Variants in EFCAB8 observed in about 807,000 individuals in gnomAD.
EFCAB8 encodes the protein EF-hand calcium-binding domain-containing protein 8.
EFCAB8 carries 100 observed loss-of-function variants against 116.3 expected under a neutral mutation model. That is an observed-to-expected ratio of 0.86 (90% CI 0.73 to 1.02). EFCAB8 has a LOEUF of 1.02. Ranked by LOEUF, EFCAB8 falls within the 50% of genes least tolerant of loss-of-function variation. EFCAB8 has a pLI of 0.00. For synonymous variants in EFCAB8, 558 were observed against 567.9 expected, an observed-to-expected ratio of 0.98 and a Z score of 0.25; for missense variants, 1,320 against 1,416.9, an observed-to-expected ratio of 0.93 and a Z score of 1.10.
At chr20:32,939,125 CTCTTTCTT>C (rs56136077) in intron 22 of EFCAB8, among the ~76,000 whole-genome samples, 2,358 of 56,158 alleles carry the variant, frequency 0.042, 110 homozygotes, top group East Asian at 0.084. Context: ...CTCTTTCTTT[CTCTTTCTT>C]TCTTTCTTTC....
chr20:32,860,042 C>T (rs944449719), intron 1 of EFCAB8, among the ~76,000 whole-genome samples: 4 of 152,168 alleles, frequency 2.6e-5, no homozygotes, highest in African/African-American at 4.8e-5. Context: ...CGGTGACTCA[C>T]GCCTGTAATC....
At chr20:32,883,016 A>G (rs1177558228) in intron 5 of EFCAB8, among the ~76,000 whole-genome samples, 2 of 152,148 alleles carry the variant, frequency 1.3e-5, no homozygotes, top group African/African-American at 4.8e-5. Context: ...TTTTTAATAG[A>G]GACGGGATTT....
chr20:32,913,677 CA>C (rs1987046225), intron 17 of EFCAB8, among the ~76,000 whole-genome samples: 1 of 147,070 alleles, frequency 6.8e-6, no homozygotes, highest in African/African-American at 2.7e-5. Context: ...CATTCTGAAG[CA>C]AATGCCCCTC....
Position 32,961,419 on chromosome 20 carries a change from CCTT to C in EFCAB8, c.3681_3683del (p.Phe1227del), listed in dbSNP as rs1461553899. The C allele has an allele frequency of 1.4e-5, 21 of 1,457,576 alleles. No individual in the cohort carries two copies. Among genetic ancestry groups the C allele is most frequent in the Non-Finnish European group, 1.7e-5 (19 of 1,103,152 alleles). 90.3% of individuals were successfully genotyped at this position (1,457,576 alleles called of 1,614,324 possible). A position where few individuals can be genotyped will look rare whatever the true frequency, so the allele number is the denominator to read the frequency against. ...CCCACCTTCCTGACGCCCCAGTTCT[CCTT>C]CTTGCTGCGGCCCCAGTCAGCCTCC... On this transcript the variant is annotated inframe_deletion, in exon 27 of 27. Coordinates refer to ENST00000400522, the MANE Select transcript of EFCAB8 (RefSeq NM_001143967.2).
At chr20:32,862,154 A>T (rs1984149627) in intron 1 of EFCAB8, among the ~76,000 whole-genome samples, 1 of 148,344 alleles carries the variant, frequency 6.7e-6, no homozygotes, top group African/African-American at 2.5e-5. Context: ...TTTTTGAGAC[A>T]GGGTCTCACT....
chr20:32,893,173 G>C lies in EFCAB8; in HGVS notation c.759-1G>C. The C allele has an allele frequency of 6.4e-7, 1 of 1,551,868 alleles. No individual in the cohort carries two copies. Among genetic ancestry groups the C allele is most frequent in the Non-Finnish European group, 8.7e-7 (1 of 1,147,000 alleles). On this transcript the variant is annotated splice_acceptor_variant, in intron 8 of 26. Transcript: ENST00000400522. LOFTEE classifies it high-confidence loss of function. ...CCTCTTCCGTCTCCATCTTTCTGCA[G>C]GTCTGACTATCACAGAGGTGTGTTC...
In EFCAB8 at chr20:32,931,485, G is replaced by T. The variant is rs1003594858; in HGVS notation, c.2790+149G>T. The T allele has an allele frequency of 3.1e-5, 34 of 1,098,302 alleles. No homozygotes were observed. The African/African-American group carries it at 5.1e-4, about 17-fold the overall frequency. 68.0% of individuals were successfully genotyped at this position (1,098,302 alleles called of 1,614,324 possible). A position where few individuals can be genotyped will look rare whatever the true frequency, so the allele number is the denominator to read the frequency against. On this transcript the variant is annotated intron_variant, in intron 22 of 26. Transcript: ENST00000400522. The stretch of plus-strand genomic sequence containing the variant: ...ATAGAATTAGTATTCGTGGCCAGTC[G>T]TGGTGGCCCACGCCTGTAATCCCAG...
In EFCAB8 at chr20:32,896,481, A is replaced by G; in HGVS notation, c.911A>G (p.Lys304Arg). ...CACTGGATCAAAGTTTCCTTGCAGA[A>G]ACTCTTAAATGAGAAGTCTGCTTTG... ...WDHWIKVSLQ[K>R]LLNEKSALHR... The change falls in exon 10 of 27, where the codon AAA becomes AGA. Residue 304 changes from lysine (K) to arginine (R), a missense_variant. Physicochemically the swap from Lys to Arg is conservative, Grantham distance 26. Coordinates refer to ENST00000400522, the MANE Select transcript of EFCAB8 (RefSeq NM_001143967.2). 1.4e-6 allele frequency: 1 copy of G among 719,036 alleles called. No homozygotes were observed. The highest frequency in any genetic ancestry group is 2.7e-5 in the East Asian group (1 of 37,294). 44.5% of individuals were successfully genotyped at this position (719,036 alleles called of 1,614,324 possible).
intron 11 of EFCAB8, among the ~76,000 whole-genome samples, chr20:32,899,408 A>T (rs1224970859): frequency 6.7e-6 from 1 of 150,302 alleles, no homozygotes; most frequent in Admixed American, 6.6e-5. Context: ...CCGTCTCAAA[A>T]AAAAAAAAAA....
chr20:32,960,874 G>C (rs1008112843), intron 26 of EFCAB8, among the ~76,000 whole-genome samples: 1 of 152,198 alleles, frequency 6.6e-6, no homozygotes, highest in East Asian at 1.9e-4. Context: ...TCTCAGAAGC[G>C]GGCAGTCTGC....
chr20:32,942,472 A>G (rs1225825683), intron 22 of EFCAB8, among the ~76,000 whole-genome samples: 1 of 151,904 alleles, frequency 6.6e-6, no homozygotes, highest in African/African-American at 2.4e-5. Flanking sequence ...AGATTGCTTG[A>G]GCCTAACAGT....
At chr20:32,921,769 A>G (rs937115320) in intron 20 of EFCAB8, among the ~76,000 whole-genome samples, 1 of 149,824 alleles carries the variant, frequency 6.7e-6, no homozygotes, top group African/African-American at 2.5e-5. Context: ...CTGTAAGTCT[A>G]TAGCATGGAT....
At chr20:32,931,046 A>C in intron 21 of EFCAB8, 132 bp from the exon 22 acceptor site, 2 of 715,748 alleles carry the variant, frequency 2.8e-6, no homozygotes, top group Non-Finnish European at 4.6e-6. Flanking sequence ...GTGGTGAGGT[A>C]TCTCAGAGAT....
chr20:32,869,331 G>A (rs1984577470), intron 3 of EFCAB8, among the ~76,000 whole-genome samples: 1 of 152,004 alleles, frequency 6.6e-6, no homozygotes, highest in Non-Finnish European at 1.5e-5. Flanking sequence ...TCCGCCTCTG[G>A]TTCAAGCGAT....
Position 32,961,226 on chromosome 20 carries a change from C to T in EFCAB8, c.3484C>T (p.Gln1162Ter). The T allele has an allele frequency of 1.3e-6, 2 of 1,551,958 alleles. No homozygotes were observed. Among genetic ancestry groups the T allele is most frequent in the Non-Finnish European group, 8.7e-7 (1 of 1,146,966 alleles). ...CCTGACCAGCAGGGGCCCAGACCAG[C>T]AAGACCAGCACATCCGCCTGGTGGC... Reference protein sequence around the residue: ...DFLTSRGPDQQDQHIRLVAHH... With the variant: ...DFLTSRGPDQ Residue 1162 changes from glutamine (Q) to a stop codon, truncating the protein, a stop_gained, in exon 27 of 27, where the codon CAA becomes TAA. Transcript: ENST00000400522. LOFTEE classifies it low-confidence loss of function (END_TRUNC).
intron 5 of EFCAB8, 103 bp from the exon 6 acceptor site, chr20:32,885,402 C>A: frequency 6.8e-7 from 1 of 1,467,132 alleles, no homozygotes; most frequent in Non-Finnish European, 9.2e-7. Flanking sequence ...GACGCTCCGC[C>A]GGCTTTTGTC....
intron 20 of EFCAB8, among the ~76,000 whole-genome samples, chr20:32,924,485 T>G (rs184582583): frequency 6.6e-6 from 1 of 152,238 alleles, no homozygotes; most frequent in African/African-American, 2.4e-5. Context: ...AAAAGAATGT[T>G]TAATACATCT....
At chr20:32,866,390 C>T (rs539463322) in intron 2 of EFCAB8, among the ~76,000 whole-genome samples, 22 of 152,190 alleles carry the variant, frequency 1.4e-4, no homozygotes, top group Admixed American at 8.5e-4. Context: ...TAATTATCCA[C>T]GTTAGAGTCT....
chr20:32,884,572 G>A (rs745435854), intron 5 of EFCAB8, among the ~76,000 whole-genome samples: 5 of 152,226 alleles, frequency 3.3e-5, no homozygotes, highest in Admixed American at 6.5e-5. Flanking sequence ...GGTAATGGCA[G>A]TTGAATTTTC....
Sources: allele counts gnomAD v4.1 joint callset (sites outside exome capture counted in the v4.1 genomes callset), GRCh38; gene constraint gnomAD v4.1.1; transcripts MANE v1.5; gene names NCBI Gene and HGNC (gene_info 2026-07-23, HGNC 2026-07-21).